Variants in SLC25A21 observed in about 807,000 individuals in gnomAD.
SLC25A21 encodes mitochondrial 2-oxodicarboxylate carrier.
In SLC25A21, 47 loss-of-function variants were observed where a neutral mutation model predicts 43.8. The ratio of observed to expected loss-of-function variants is 1.07; its 90% CI spans 0.85 to 1.37. The LOEUF (loss-of-function observed/expected upper bound fraction) is 1.37, where lower values mean the gene tolerates loss of function less well. Ranked by LOEUF, SLC25A21 falls within the 40% of genes most tolerant of loss-of-function variation. The probability of loss-of-function intolerance (pLI) is 0.00; values close to 1 mark genes in which losing one functional copy is unlikely to be tolerated. For synonymous variants in SLC25A21, 131 were observed against 121.3 expected (o/e 1.08, Z -0.52); for missense variants, 352 against 350.2 (o/e 1.00, Z -0.04).
chr14:37,022,758 C>T (rs1018079651), intron 1 of SLC25A21, among the ~76,000 whole-genome samples: 1 of 151,928 alleles, frequency 6.6e-6, no homozygotes, highest in Non-Finnish European at 1.5e-5. Flanking sequence ...CAGGGAACAA[C>T]CTTTGACTAT....
chr14:36,711,914 T>G, intron 6 of SLC25A21, among the ~76,000 whole-genome samples: 1 of 152,244 alleles, frequency 6.6e-6, no homozygotes, highest in Non-Finnish European at 1.5e-5. Context: ...CTAATTATGT[T>G]TTTCTAAAGC....
intron 3 of SLC25A21, among the ~76,000 whole-genome samples, chr14:36,764,036 A>G (rs1047028511): frequency 3.5e-4 from 9 of 25,660 alleles, no homozygotes; most frequent in African/African-American, 1.3e-3. Context: ...GAAAGAAAGA[A>G]AAAGAAAGAA....
intron 1 of SLC25A21, among the ~76,000 whole-genome samples, chr14:36,881,612 T>C (rs573895907): frequency 6.6e-6 from 1 of 152,238 alleles, no homozygotes; most frequent in South Asian, 2.1e-4. Context: ...CTTTACAACC[T>C]AGGTCACAGA....
intron 1 of SLC25A21, among the ~76,000 whole-genome samples, chr14:37,037,374 T>C (rs969772942): frequency 6.6e-6 from 1 of 152,200 alleles, no homozygotes; most frequent in Non-Finnish European, 1.5e-5. Context: ...ACTTTTGCTA[T>C]TAATGATCAG....
At chr14:37,069,131 C>T (rs1594778415) in intron 1 of SLC25A21, among the ~76,000 whole-genome samples, 1 of 151,898 alleles carries the variant, frequency 6.6e-6, no homozygotes, top group East Asian at 1.9e-4. Flanking sequence ...GAGCCGAGAT[C>T]ATGCCACTGC....
At chr14:36,714,745 T>A (rs1038676381) in intron 6 of SLC25A21, among the ~76,000 whole-genome samples, 19 of 152,242 alleles carry the variant, frequency 1.2e-4, no homozygotes, top group African/African-American at 4.3e-4. Flanking sequence ...TCAGTAATTG[T>A]GTGAGATATG....
intron 2 of SLC25A21, among the ~76,000 whole-genome samples, chr14:36,846,131 G>A (rs1227270176): frequency 6.6e-6 from 1 of 152,010 alleles, no homozygotes; most frequent in African/African-American, 2.4e-5. Context: ...ACATTACTTC[G>A]CCTTGCAACT....
intron 3 of SLC25A21, among the ~76,000 whole-genome samples, chr14:36,791,437 T>C (rs1887480459): frequency 1.3e-5 from 2 of 152,170 alleles, no homozygotes; most frequent in African/African-American, 2.4e-5. Flanking sequence ...CTAATGTCCA[T>C]GCAGAGAAAC....
chr14:37,079,962 G>C (rs1250029306), intron 1 of SLC25A21, among the ~76,000 whole-genome samples: 1 of 152,074 alleles, frequency 6.6e-6, no homozygotes, highest in East Asian at 1.9e-4. Flanking sequence ...AGGCCCCAGG[G>C]AGTTGTTTTG....
intron 1 of SLC25A21, among the ~76,000 whole-genome samples, chr14:36,976,848 T>TA (rs1181768275): frequency 6.6e-6 from 1 of 152,230 alleles, no homozygotes; most frequent in Non-Finnish European, 1.5e-5. Flanking sequence ...TTGAGAGCCT[T>TA]GCTTGAAAAG....
intron 1 of SLC25A21, among the ~76,000 whole-genome samples, chr14:37,161,135 A>G (rs551752546): frequency 6.6e-6 from 1 of 152,284 alleles, no homozygotes; most frequent in East Asian, 1.9e-4. Flanking sequence ...TTCATTACAT[A>G]CATGTAAAAA....
chr14:36,753,822 A>C (rs1885807438), intron 3 of SLC25A21, among the ~76,000 whole-genome samples: 1 of 151,964 alleles, frequency 6.6e-6, no homozygotes, highest in African/African-American at 2.4e-5. Flanking sequence ...GTATCCACCA[A>C]GTTGTTACCT....
chr14:37,113,808 C>T (rs763977551), intron 1 of SLC25A21, among the ~76,000 whole-genome samples: 24 of 142,794 alleles, frequency 1.7e-4, no homozygotes, highest in Non-Finnish European at 3.1e-4. Flanking sequence ...GAGCCAAGAT[C>T]GCAACACTGT....
intron 2 of SLC25A21, among the ~76,000 whole-genome samples, chr14:36,830,142 C>T (rs543793166): frequency 1.7e-3 from 266 of 152,010 alleles, no homozygotes; most frequent in African/African-American, 4.2e-3. Context: ...ACTTCTTAGG[C>T]GGAAAAAAAT....
At chr14:37,094,690 C>T (rs1292969338) in intron 1 of SLC25A21, among the ~76,000 whole-genome samples, 2 of 151,044 alleles carry the variant, frequency 1.3e-5, no homozygotes, top group Non-Finnish European at 2.9e-5. Context: ...CTCTAGATGA[C>T]TAGTCCATTT....
At chr14:36,705,329 G>A (rs1883484878) in intron 7 of SLC25A21, among the ~76,000 whole-genome samples, 1 of 152,082 alleles carries the variant, frequency 6.6e-6, no homozygotes, top group Non-Finnish European at 1.5e-5. Context: ...ACAGGTGTGA[G>A]CCACTGCGTC....
chr14:37,112,913 C>T (rs577766795), intron 1 of SLC25A21, among the ~76,000 whole-genome samples: 1 of 152,056 alleles, frequency 6.6e-6, no homozygotes, highest in Non-Finnish European at 1.5e-5. Context: ...AGATTATACC[C>T]TAATTAACAT....
intron 1 of SLC25A21, among the ~76,000 whole-genome samples, chr14:36,975,563 C>G (rs1959850992): frequency 3.9e-5 from 6 of 152,204 alleles, no homozygotes; most frequent in Admixed American, 3.9e-4. Context: ...TTACAGAATA[C>G]ATACATTAAA....
chr14:36,754,722 A>T (rs1314677414), intron 3 of SLC25A21, among the ~76,000 whole-genome samples: 1 of 116,860 alleles, frequency 8.6e-6, no homozygotes, highest in Non-Finnish European at 1.7e-5. Context: ...TACAAAAGAC[A>T]GTGCCCAAAA....
Sources: allele counts gnomAD v4.1 joint callset (sites outside exome capture counted in the v4.1 genomes callset), GRCh38; gene constraint gnomAD v4.1.1; transcripts MANE v1.5; gene names NCBI Gene and HGNC (gene_info 2026-07-23, HGNC 2026-07-21).